Variants in SPATA17 observed in about 807,000 individuals in gnomAD.
SPATA17 encodes spermatogenesis-associated protein 17.
In SPATA17, 53 loss-of-function variants were observed where a neutral mutation model predicts 62.2. The observed-to-expected ratio is 0.85, with a 90% confidence interval of 0.68 to 1.07. The LOEUF (loss-of-function observed/expected upper bound fraction) is 1.07, where lower values mean the gene tolerates loss of function less well. Ranked by LOEUF, SPATA17 falls within the 50% of genes least tolerant of loss-of-function variation. SPATA17 has a pLI of 0.00. For missense variants in SPATA17, 466 were observed against 425.5 expected, an observed-to-expected ratio of 1.10 and a Z score of -0.84; for synonymous variants, 146 against 146.8, an observed-to-expected ratio of 0.99 and a Z score of 0.04.
chr1:217,787,519 T>C (rs919770585), intron 8 of SPATA17, among the ~76,000 whole-genome samples: 1 of 152,116 alleles, frequency 6.6e-6, no homozygotes, highest in African/African-American at 2.4e-5. Flanking sequence ...ATTTTCTACT[T>C]CCTTTGATTT....
At chr1:217,674,077 C>G (rs1417795111) in intron 4 of SPATA17, among the ~76,000 whole-genome samples, 1 of 152,072 alleles carries the variant, frequency 6.6e-6, no homozygotes, top group Non-Finnish European at 1.5e-5. Context: ...TCAGCCTCAA[C>G]CTTGTTGCTG....
chr1:217,793,722 A>T (rs1202369124), intron 8 of SPATA17, among the ~76,000 whole-genome samples: 1 of 152,208 alleles, frequency 6.6e-6, no homozygotes, highest in Non-Finnish European at 1.5e-5. Flanking sequence ...GTCAAGAAAC[A>T]GAGACAGCAA....
At chr1:217,649,427 T>C (rs1260287005) in intron 2 of SPATA17, among the ~76,000 whole-genome samples, 1 of 152,096 alleles carries the variant, frequency 6.6e-6, no homozygotes, top group African/African-American at 2.4e-5. Context: ...TGCAGTGAGC[T>C]GAGAAGGTGC....
intron 5 of SPATA17, among the ~76,000 whole-genome samples, chr1:217,732,044 G>A (rs1041854389): frequency 6.6e-6 from 1 of 150,886 alleles, no homozygotes; most frequent in African/African-American, 2.4e-5. Flanking sequence ...CCCTCTTGGA[G>A]TTGACAATGA....
At chr1:217,803,969 G>A (rs1674373491) in intron 9 of SPATA17, among the ~76,000 whole-genome samples, 1 of 151,910 alleles carries the variant, frequency 6.6e-6, no homozygotes, top group African/African-American at 2.4e-5. Flanking sequence ...AGTGAGCTGA[G>A]ATCGTGCCAC....
intron 6 of SPATA17, among the ~76,000 whole-genome samples, chr1:217,759,182 G>A (rs1673114001): frequency 6.6e-6 from 1 of 152,144 alleles, no homozygotes; most frequent in African/African-American, 2.4e-5. Context: ...GATGAAGCTG[G>A]GCATGGTGGC....
Position 217,742,438 on chromosome 1 carries a change from T to TA in SPATA17, c.519+341dup, listed in dbSNP as rs1250114045. Among the ~76,000 whole-genome samples the TA allele has an allele frequency of 3.9e-5, 6 of 152,200 alleles. 1 individual carries two copies. The highest frequency in any genetic ancestry group is 7.3e-5 in the Non-Finnish European group (5 of 68,038). The stretch of plus-strand genomic sequence containing the variant: ...GTGAATTGATCAAGAACTAACAAGT[T>TA]ATTAGGCTGAGGTTGCTTTCATGTT... On this transcript the variant is annotated intron_variant, in intron 6 of 10. Coordinates refer to ENST00000366933, the MANE Select transcript of SPATA17 (RefSeq NM_138796.4).
intron 6 of SPATA17, among the ~76,000 whole-genome samples, chr1:217,763,595 A>G (rs1673225199): frequency 6.6e-6 from 1 of 152,228 alleles, no homozygotes; most frequent in South Asian, 2.1e-4. Context: ...CTTTTTATTA[A>G]GGAACTAAAA....
At chr1:217,669,638 C>A (rs1039341472) in intron 4 of SPATA17, among the ~76,000 whole-genome samples, 2 of 152,136 alleles carry the variant, frequency 1.3e-5, no homozygotes, top group Non-Finnish European at 2.9e-5. Context: ...AATATTATTT[C>A]TTTTGTTTCA....
intron 5 of SPATA17, among the ~76,000 whole-genome samples, chr1:217,739,185 CAG>C (rs199525029): frequency 0.052 from 7,936 of 152,052 alleles, 266 homozygotes; most frequent in African/African-American, 0.087. Context: ...GAAAACAGGG[CAG>C]AGAGTCTTGG....
At chr1:217,827,505 G>C (rs1675024007) in intron 9 of SPATA17, among the ~76,000 whole-genome samples, 1 of 152,000 alleles carries the variant, frequency 6.6e-6, no homozygotes, top group South Asian at 2.1e-4. Context: ...ACACATCCAG[G>C]ATTTAACCCA....
chr1:217,783,118 T>C lies in SPATA17; in HGVS notation c.872+796T>C, dbSNP rs1342450206. ...GGTATACTATAAATTATACAAAATA[T>C]AAAATTATAATCATTTATTGCATTT... On this transcript the variant is annotated intron_variant, in intron 8 of 10. Transcript: ENST00000366933. Among the ~76,000 whole-genome samples, 10 of 150,834 alleles carry C rather than the reference T, an allele frequency of 6.6e-5. No homozygotes were observed. The East Asian group carries it at 1.9e-3, about 29-fold the overall frequency.
At chr1:217,815,089 G>T (rs978313702) in intron 9 of SPATA17, among the ~76,000 whole-genome samples, 2 of 151,972 alleles carry the variant, frequency 1.3e-5, no homozygotes, top group Non-Finnish European at 2.9e-5. Context: ...TGTGAATTGT[G>T]GCCTCCAAAC....
intron 6 of SPATA17, among the ~76,000 whole-genome samples, chr1:217,747,591 A>G (rs1465058936): frequency 1.3e-5 from 2 of 152,168 alleles, no homozygotes; most frequent in Non-Finnish European, 2.9e-5. Context: ...CCTGTTTTTC[A>G]TTTTAAAGTG....
chr1:217,836,431 C>T (rs754529529), intron 9 of SPATA17, among the ~76,000 whole-genome samples: 3 of 152,094 alleles, frequency 2.0e-5, no homozygotes, highest in Non-Finnish European at 2.9e-5. Context: ...CCAGTAGAAA[C>T]GGACAAAAGC....
chr1:217,838,153 ATGT>A (rs991544523), intron 9 of SPATA17, among the ~76,000 whole-genome samples: 2 of 152,088 alleles, frequency 1.3e-5, no homozygotes, highest in African/African-American at 4.8e-5. Context: ...ACTATTTTTA[ATGT>A]GGCTACTAGA....
chr1:217,787,711 T>A (rs1432202924), intron 8 of SPATA17, among the ~76,000 whole-genome samples: 1 of 152,142 alleles, frequency 6.6e-6, no homozygotes, highest in Non-Finnish European at 1.5e-5. Flanking sequence ...GAATTTTTGG[T>A]TACATGTGCA....
chr1:217,726,951 TA>T (rs935209249), intron 5 of SPATA17, among the ~76,000 whole-genome samples: 14 of 151,158 alleles, frequency 9.3e-5, no homozygotes, highest in African/African-American at 3.1e-4. Context: ...TTTAAAGCCT[TA>T]AAAAAAAACT....
chr1:217,812,235 G>A (rs2102992547), intron 9 of SPATA17, among the ~76,000 whole-genome samples: 1 of 152,222 alleles, frequency 6.6e-6, no homozygotes, highest in East Asian at 1.9e-4. Flanking sequence ...TCAGTTGGCA[G>A]AAAATCAAAG....
Sources: gnomAD v4.1 joint callset for allele counts (sites outside exome capture counted in the v4.1 genomes callset) on GRCh38, gnomAD v4.1.1 for gene constraint, MANE v1.5 for transcripts, NCBI Gene and HGNC (gene_info 2026-07-23, HGNC 2026-07-21) for gene names.